Variants in MINDY1 observed in about 807,000 individuals in gnomAD.
MINDY1 encodes the protein MINDY lysine 48 deubiquitinase 1.
MINDY1 carries 50 observed loss-of-function variants against 53.6 expected under a neutral mutation model. That is an observed-to-expected ratio of 0.93 (90% CI 0.74 to 1.18). The LOEUF (loss-of-function observed/expected upper bound fraction) is 1.18. Among genes scored for constraint, MINDY1 ranks in the 50% most tolerant of loss-of-function variants. The pLI is 0.00. For synonymous variants in MINDY1, 231 were observed against 234.7 expected (o/e 0.98, Z 0.14); for missense variants, 484 against 578.6 (o/e 0.84, Z 1.68).
upstream of MINDY1, among the ~76,000 whole-genome samples, chr1:151,007,647 G>A (rs1298214080): frequency 6.6e-6 from 1 of 152,190 alleles, no homozygotes. Context: ...GCTGGTGTGA[G>A]GCTGACGGTA....
Position 150,999,227 on chromosome 1 carries a change from G to C in MINDY1, c.981+142C>G. On this transcript the variant is annotated intron_variant, in intron 7 of 9. Transcript: ENST00000683666. The surrounding 1 kb of genome is among the most constrained non-coding windows in gnomAD (Gnocchi z 4.4). ...TGGACACGCACCAGGAGCGGGAAAT[G>C]AACCTTTGTTGTGGTAAACCACAGG... The C allele has an allele frequency of 3.3e-6, 4 of 1,219,688 alleles. No individual in the cohort carries two copies. The highest frequency in any genetic ancestry group is 2.3e-6 in the Non-Finnish European group (2 of 858,512). 75.6% of individuals were successfully genotyped at this position (1,219,688 alleles called of 1,614,324 possible). A position where few individuals can be genotyped will look rare whatever the true frequency, so the allele number is the denominator to read the frequency against.
intron 9 of MINDY1, 109 bp downstream of exon 9, chr1:150,997,515 C>A (rs1472799065): frequency 3.8e-6 from 6 of 1,577,942 alleles, no homozygotes; most frequent in Non-Finnish European, 5.1e-6. Flanking sequence ...AGGGGAAGGA[C>A]TCTGAGAGAA....
At chr1:151,001,810 G>T (rs1009537280) in intron 2 of MINDY1, 28 bp from the exon 3 acceptor site, 1 of 1,574,352 alleles carries the variant, frequency 6.4e-7, no homozygotes, top group African/African-American at 1.4e-5. Flanking sequence ...GATCACGTGT[G>T]TGCTTTCCTC....
intron 5 of MINDY1, 49 bp downstream of exon 5, chr1:151,000,408 C>T (rs1260905291): frequency 6.5e-7 from 1 of 1,530,158 alleles, no homozygotes; most frequent in Non-Finnish European, 8.8e-7. Context: ...TTGCCTCTCT[C>T]ATGTCAGCTT....
Position 150,997,320 on chromosome 1 carries a change from C to T in MINDY1, c.1377G>A (p.Arg459=). Reference sequence around the variant, plus strand: ...GAATGCAGTCTGACTCGTGCTTCGGCCTCTGCCGACGCTCCCCGGCTGGGC... The same window carrying T: ...GAATGCAGTCTGACTCGTGCTTCGGTCTCTGCCGACGCTCCCCGGCTGGGC... The part of the protein sequence containing the change: ...SGRPAGERRQ[R]PKHESDCILL The change falls in exon 10 of 10, where the codon AGG becomes AGA. Residue 459 remains arginine (R), a synonymous_variant. Coordinates refer to ENST00000683666, the MANE Select transcript of MINDY1 (RefSeq NM_001376665.1). The T allele has an allele frequency of 6.2e-7, 1 of 1,600,426 alleles. No individual in the cohort carries two copies. The highest frequency in any genetic ancestry group is 8.5e-7 in the Non-Finnish European group (1 of 1,172,250).
chr1:151,008,230 G>C (rs894303909), upstream of MINDY1: 1 of 1,135,514 alleles, frequency 8.8e-7, no homozygotes, highest in Non-Finnish European at 1.1e-6. Flanking sequence ...CACAATAATG[G>C]GTTACTGTGA....
intron 1 of MINDY1, among the ~76,000 whole-genome samples, chr1:151,004,151 G>A (rs1052177011): frequency 5.3e-5 from 8 of 151,918 alleles, no homozygotes; most frequent in African/African-American, 1.9e-4. Context: ...TTGAACTTCC[G>A]ACCTCAGGTG....
rs1156415821 is a variant in MINDY1 at position 150,999,627 on chromosome 1, G to A, written c.839-116C>T. The stretch of plus-strand genomic sequence containing the variant: ...CGGGGGGTCAGTCCCACCTTCTGAC[G>A]TCCCTTTCTTGAAACCTGGCTGTAT... On this transcript the variant is annotated intron_variant, in intron 6 of 9. Coordinates refer to ENST00000683666, the MANE Select transcript of MINDY1 (RefSeq NM_001376665.1). The surrounding 1 kb of genome is among the most constrained non-coding windows in gnomAD (Gnocchi z 4.4). The A allele has an allele frequency of 1.8e-5, 24 of 1,366,784 alleles. No individual in the cohort carries two copies. The highest frequency in any genetic ancestry group is 1.4e-4 in the East Asian group (6 of 43,288). 84.7% of individuals were successfully genotyped at this position (1,366,784 alleles called of 1,614,324 possible).
Position 151,006,581 on chromosome 1 carries a change from CTT to C in MINDY1, c.-361_-360del. On this transcript the variant is annotated 5_prime_UTR_variant, in exon 1 of 10. An upstream open reading frame in the 5' UTR loses its in-frame stop. Transcript: ENST00000683666. Reference sequence around the variant, plus strand: ...AGGTGCTCCAGGTCGCTCAGAGAGTCTTCAGGATTCCTGAGTCGCCGAGTCTA... The same window carrying C: ...AGGTGCTCCAGGTCGCTCAGAGAGTCCAGGATTCCTGAGTCGCCGAGTCTA... The C allele has an allele frequency of 1.0e-6, 1 of 992,810 alleles. No homozygotes were observed. The highest frequency in any genetic ancestry group is 1.2e-6 in the Non-Finnish European group (1 of 834,948). The allele number at this position is 992,810 out of a possible 1,614,324, so 61.5% of individuals were successfully genotyped here.
rs1384748847 is a variant in MINDY1, at chr1:151,000,456, C to T, written c.735+1G>A. ...GTCCCAGTGGGCCCTCCCACCCTCACCTGTGGATCAACAAGCCAGCCATGG... is the reference window on the plus strand; with the variant it reads ...GTCCCAGTGGGCCCTCCCACCCTCATCTGTGGATCAACAAGCCAGCCATGG... On this transcript the variant is annotated splice_donor_variant, in intron 5 of 9. Coordinates refer to ENST00000683666, the MANE Select transcript of MINDY1 (RefSeq NM_001376665.1). LOFTEE classifies it high-confidence loss of function. 2.5e-6 allele frequency: 4 copies of T among 1,601,462 alleles called. No homozygotes were observed. Among genetic ancestry groups the T allele is most frequent in the African/African-American group, 1.3e-5 (1 of 74,434 alleles).
chr1:151,008,260 C>T, upstream of MINDY1: 1 of 1,197,226 alleles, frequency 8.4e-7, no homozygotes, highest in Non-Finnish European at 1.0e-6. Context: ...ATTTGTTTAC[C>T]GAACGACTGA....
rs1571747194 is a variant in MINDY1, at chr1:151,006,376, G to C, written c.-154C>G. 1.4e-6 allele frequency: 2 copies of C among 1,382,730 alleles called. No homozygotes were observed. Among genetic ancestry groups the C allele is most frequent in the Non-Finnish European group, 9.4e-7 (1 of 1,067,710 alleles). 85.7% of individuals were successfully genotyped at this position (1,382,730 alleles called of 1,614,324 possible). ...GTTCAGCCGTGGCAATGAGATGGGG[G>C]AGATAGGTGCAATGAAGGGGGCTGC... On this transcript the variant is annotated 5_prime_UTR_variant, in exon 1 of 10. Coordinates refer to ENST00000683666, the MANE Select transcript of MINDY1 (RefSeq NM_001376665.1).
chr1:151,006,296 A>C lies in MINDY1; in HGVS notation c.-90+16T>G. 7.0e-7 allele frequency: 1 copy of C among 1,429,154 alleles called. No homozygotes were observed. The highest frequency in any genetic ancestry group is 9.2e-7 in the Non-Finnish European group (1 of 1,088,740). 88.5% of individuals were successfully genotyped at this position (1,429,154 alleles called of 1,614,324 possible). On this transcript the variant is annotated intron_variant, in intron 1 of 9. Transcript: ENST00000683666. ...GGGAGAAGAGGTGAAGAAGATGATT[A>C]AAATAAAGTTTTTACCTTAAAGAAG...
chr1:150,998,162 G>C lies in MINDY1; in HGVS notation c.1093C>G (p.His365Asp). Residue 365 changes from histidine to aspartate, a missense_variant, in exon 8 of 10, where the codon CAC becomes GAC. Physicochemically the swap from His to Asp is moderately conservative, Grantham distance 81. Transcript: ENST00000683666. Reference sequence around the variant, plus strand: ...CCCTTGCCCAGGGAATGACTCAGGTGAAAGTCAGAGTCACAAAAGCAGCTG... The same window carrying C: ...CCCTTGCCCAGGGAATGACTCAGGTCAAAGTCAGAGTCACAAAAGCAGCTG... ...GDSCFCDSDF[H>D]LSHSLGKGPG... The C allele has an allele frequency of 6.2e-7, 1 of 1,614,140 alleles. No homozygotes were observed. The highest frequency in any genetic ancestry group is 1.1e-5 in the South Asian group (1 of 91,086).
chr1:151,005,377 C>T (rs187786087), intron 1 of MINDY1, among the ~76,000 whole-genome samples: 1 of 150,120 alleles, frequency 6.7e-6, no homozygotes, highest in Non-Finnish European at 1.5e-5. Context: ...GCTTGAACCC[C>T]GGAGGTGGAG....
Position 151,000,578 on chromosome 1 carries a change from G to A in MINDY1, c.614C>T (p.Ala205Val). The change falls in exon 5 of 10, where the codon GCC becomes GTC. Residue 205 changes from alanine (A) to valine (V), a missense_variant. By Grantham distance (64) the Ala-to-Val change is moderately conservative (BLOSUM62 0). Transcript: ENST00000683666. Reference sequence around the variant, plus strand: ...TCGCACATTGACATCCAGACCTGTGGCCAGTTTAGGCAGCACTGTCATTGC... The same window carrying A: ...TCGCACATTGACATCCAGACCTGTGACCAGTTTAGGCAGCACTGTCATTGC... The part of the protein sequence containing the change: ...DDAMTVLPKL[A>V]TGLDVNVRFT... 6.2e-7 allele frequency: 1 copy of A among 1,613,672 alleles called. No individual in the cohort carries two copies. The highest frequency in any genetic ancestry group is 8.5e-7 in the Non-Finnish European group (1 of 1,179,890).
rs1308458768 is a variant in MINDY1, at chr1:150,998,166, G to T, written c.1089C>A (p.Asp363Glu). 1.2e-6 allele frequency: 2 copies of T among 1,614,138 alleles called. No individual in the cohort carries two copies. Among genetic ancestry groups the T allele is most frequent in the Non-Finnish European group, 1.7e-6 (2 of 1,180,044 alleles). ...VDGDSCFCDSDFHLSHSLGKG... is the reference protein window; with the variant it reads ...VDGDSCFCDSEFHLSHSLGKG... ...TGCCCAGGGAATGACTCAGGTGAAA[G>T]TCAGAGTCACAAAAGCAGCTGTCTC... The change falls in exon 8 of 10, where the codon GAC (aspartate) becomes GAA (glutamate). Residue 363 changes from aspartate to glutamate, a missense_variant. Physicochemically the swap from Asp to Glu is conservative, Grantham distance 45. Transcript: ENST00000683666.
chr1:150,999,978 G>A lies in MINDY1; in HGVS notation c.736-14C>T, dbSNP rs1410115333. ...AGCCTCAGGACTCTGCTTGGGTAGT[G>A]GGATGTGGGATACCAAAAAAATTGG... On this transcript the variant is annotated splice_polypyrimidine_tract_variant and intron_variant, in intron 5 of 9. Coordinates refer to ENST00000683666, the MANE Select transcript of MINDY1 (RefSeq NM_001376665.1). This position sits in a 1 kb window ranked among gnomAD's most constrained non-coding sequence, Gnocchi z 4.4. 7 of 1,588,404 alleles carry A rather than the reference G, an allele frequency of 4.4e-6. No individual in the cohort carries two copies. The African/African-American group carries it at 5.4e-5, about 12-fold the overall frequency.
chr1:151,002,327 G>A lies in MINDY1; in HGVS notation c.291C>T (p.Pro97=). 1 of 1,614,156 alleles carries A rather than the reference G, an allele frequency of 6.2e-7. No homozygotes were observed. The highest frequency in any genetic ancestry group is 8.5e-7 in the Non-Finnish European group (1 of 1,180,020). ...TCCTGGGGGACTGAGGAAGCTCCTG[G>A]GGCATGGAGCATGCCCTTATTGTCT... ...EVETIRACSM[P]QELPQSPRTR... Residue 97 remains proline, a synonymous_variant, in exon 2 of 10, where the codon CCC becomes CCT. Coordinates refer to ENST00000683666, the MANE Select transcript of MINDY1 (RefSeq NM_001376665.1). The surrounding 1 kb of genome is among the most constrained non-coding windows in gnomAD (Gnocchi z 4.1).
Sources: gnomAD v4.1 joint callset for allele counts (sites outside exome capture counted in the v4.1 genomes callset) on GRCh38, gnomAD v4.1.1 for gene constraint, Gnocchi (gnomAD v3.1) non-coding constraint, MANE v1.5 for transcripts, NCBI Gene and HGNC (gene_info 2026-07-23, HGNC 2026-07-21) for gene names.